ITGA4: variants seen among roughly 807,000 people sequenced by gnomAD.
ITGA4 encodes the protein integrin subunit alpha 4, also known as integrin alpha-4.
Under a neutral mutation model 133.6 loss-of-function variants are expected in ITGA4, and 63 were observed. The ratio of observed to expected loss-of-function variants is 0.47; its 90% CI spans 0.38 to 0.58. The LOEUF (loss-of-function observed/expected upper bound fraction) is 0.58. Ranked by LOEUF, ITGA4 falls within the 20% of genes least tolerant of loss-of-function variation. The pLI is 0.00. For missense variants in ITGA4, 1,076 were observed against 1,252.7 expected (o/e 0.86, Z 2.13); for synonymous variants, 483 against 438.0 (o/e 1.10, Z -1.28).
intron 10 of ITGA4, among the ~76,000 whole-genome samples, chr2:181,490,295 CCTT>C (rs1036156964): frequency 4.6e-5 from 7 of 152,114 alleles, no homozygotes; most frequent in Non-Finnish European, 7.4e-5. Flanking sequence ...GTGGTCTCCT[CCTT>C]TAATTCTACT....
chr2:181,477,620 A>T (rs1459049190), intron 4 of ITGA4, among the ~76,000 whole-genome samples: 1 of 152,150 alleles, frequency 6.6e-6, no homozygotes, highest in African/African-American at 2.4e-5. Context: ...TCATCAAGGA[A>T]ATGCAAATTA....
intron 25 of ITGA4, 69 bp downstream of exon 25, chr2:181,531,845 A>G (rs1199734386): frequency 4.3e-6 from 5 of 1,163,462 alleles, no homozygotes; most frequent in East Asian, 2.6e-5. Flanking sequence ...TCAGTCATAT[A>G]GGCAGGATAG....
At chr2:181,490,662 G>A (rs889884604) in intron 10 of ITGA4, among the ~76,000 whole-genome samples, 3 of 152,026 alleles carry the variant, frequency 2.0e-5, no homozygotes, top group African/African-American at 7.2e-5. Flanking sequence ...AGGCTGCAGG[G>A]TTTAAATCCC....
rs528857069 is a variant in ITGA4, at chr2:181,482,344, C to A, written c.841-16C>A. On this transcript the variant is annotated splice_polypyrimidine_tract_variant and intron_variant, in intron 7 of 27. Transcript: ENST00000397033. ...GTTATTCCTAAAAACTTTTCTAATTCTTTCCCTAATTACAGGCATATATAT... is the reference window on the plus strand; with the variant it reads ...GTTATTCCTAAAAACTTTTCTAATTATTTCCCTAATTACAGGCATATATAT... 3.8e-6 allele frequency: 6 copies of A among 1,587,100 alleles called. No individual in the cohort carries two copies. The highest frequency in any genetic ancestry group is 2.7e-5 in the African/African-American group (2 of 73,346).
intron 16 of ITGA4, among the ~76,000 whole-genome samples, chr2:181,510,903 A>G (rs1454680888): frequency 1.1e-4 from 16 of 145,852 alleles, no homozygotes; most frequent in Admixed American, 1.0e-3. Flanking sequence ...CTGCTTTACC[A>G]ATAGAAATGG....
At chr2:181,489,704 A>G (rs1254614154) in intron 10 of ITGA4, among the ~76,000 whole-genome samples, 1 of 152,040 alleles carries the variant, frequency 6.6e-6, no homozygotes, top group East Asian at 1.9e-4. Flanking sequence ...TGTTACATGC[A>G]TCGATTACAT....
chr2:181,528,749 G>A (rs890705184), intron 22 of ITGA4, among the ~76,000 whole-genome samples: 1 of 152,166 alleles, frequency 6.6e-6, no homozygotes, highest in Non-Finnish European at 1.5e-5. Context: ...AGGTCTGCAA[G>A]TCATCTTTTT....
intron 17 of ITGA4, among the ~76,000 whole-genome samples, chr2:181,512,553 T>TG (rs1343476328): frequency 6.6e-6 from 1 of 152,026 alleles, no homozygotes; most frequent in East Asian, 1.9e-4. Context: ...TTAAAAAGAA[T>TG]GGGGAGTCCC....
At chr2:181,468,238 T>C (rs535834811) in intron 2 of ITGA4, among the ~76,000 whole-genome samples, 37 of 152,272 alleles carry the variant, frequency 2.4e-4, no homozygotes, top group African/African-American at 8.9e-4. Flanking sequence ...TCAGAGACTG[T>C]TTCCTTTCAG....
At chr2:181,524,574 C>G (rs1686795005) in intron 20 of ITGA4, among the ~76,000 whole-genome samples, 1 of 152,074 alleles carries the variant, frequency 6.6e-6, no homozygotes, top group African/African-American at 2.4e-5. Context: ...TAATGACTTC[C>G]ATAGATATGT....
At chr2:181,483,845 A>G (rs1685857755) in intron 9 of ITGA4, among the ~76,000 whole-genome samples, 1 of 152,236 alleles carries the variant, frequency 6.6e-6, no homozygotes, top group South Asian at 2.1e-4. Flanking sequence ...ATCCACATGT[A>G]TACCTAAAGT....
In ITGA4 at chr2:181,478,959, C is replaced by T. The variant is rs1038080203; in HGVS notation, c.624+135C>T. ...TCATGTCTCTTAAACTTGAGTATTA[C>T]AACTTAATTTTTGCCACTCAAAATT... On this transcript the variant is annotated intron_variant, in intron 5 of 27. Coordinates refer to ENST00000397033, the MANE Select transcript of ITGA4 (RefSeq NM_000885.6). The T allele has an allele frequency of 3.4e-5, 15 of 440,324 alleles. No homozygotes were observed. In the East Asian group the frequency reaches 5.0e-4, roughly 15 times the overall value. 27.3% of individuals were successfully genotyped at this position (440,324 alleles called of 1,614,324 possible). A position where few individuals can be genotyped will look rare whatever the true frequency, so the allele number is the denominator to read the frequency against.
chr2:181,515,679 G>C (rs1686590194), intron 17 of ITGA4, among the ~76,000 whole-genome samples: 1 of 152,060 alleles, frequency 6.6e-6, no homozygotes, highest in South Asian at 2.1e-4. Flanking sequence ...TTTCAAATGA[G>C]AGCCCTTCTA....
At chr2:181,528,041 T>C (rs1686870230) in intron 22 of ITGA4, among the ~76,000 whole-genome samples, 1 of 152,172 alleles carries the variant, frequency 6.6e-6, no homozygotes, top group Non-Finnish European at 1.5e-5. Flanking sequence ...CAAAAAAAAA[T>C]TCTTTGAACC....
chr2:181,473,408 G>A (rs1380319910), intron 2 of ITGA4, among the ~76,000 whole-genome samples: 1 of 152,150 alleles, frequency 6.6e-6, no homozygotes, highest in Non-Finnish European at 1.5e-5. Context: ...ACTGCCCATG[G>A]AAAAAATTGT....
chr2:181,506,382 C>A (rs1686392227), intron 15 of ITGA4, among the ~76,000 whole-genome samples: 1 of 152,030 alleles, frequency 6.6e-6, no homozygotes, highest in African/African-American at 2.4e-5. Context: ...ATAAGTATAA[C>A]CACCATAATT....
At position 181,495,133 on chromosome 2, in the gene ITGA4, T is replaced by C. The variant is rs1001177111; in HGVS notation, c.1340-238T>C. ...TTCTAGTCCAAAAATTGAATTTTGTTTTAGTAAACTTGTTTTTGTCATAAA... is the reference window on the plus strand; with the variant it reads ...TTCTAGTCCAAAAATTGAATTTTGTCTTAGTAAACTTGTTTTTGTCATAAA... On this transcript the variant is annotated intron_variant, in intron 12 of 27. Transcript: ENST00000397033. This position sits in a 1 kb window ranked among gnomAD's most constrained non-coding sequence, Gnocchi z 4.3. Among the ~76,000 whole-genome samples, 2 of 152,208 alleles carry C rather than the reference T, an allele frequency of 1.3e-5. No homozygotes were observed. Among genetic ancestry groups the C allele is most frequent in the African/African-American group, 4.8e-5 (2 of 41,446 alleles).
chr2:181,492,916 T>C (rs1007810360), intron 10 of ITGA4: 2 of 155,918 alleles, frequency 1.3e-5, no homozygotes, highest in Non-Finnish European at 2.8e-5. Flanking sequence ...CTAAGCACTT[T>C]ACATAGGTCA....
At chr2:181,507,501 GAC>G (rs1315834304) in intron 15 of ITGA4, among the ~76,000 whole-genome samples, 1 of 152,038 alleles carries the variant, frequency 6.6e-6, no homozygotes, top group Non-Finnish European at 1.5e-5. Flanking sequence ...CTTTCTAAGA[GAC>G]ACTGTGTTTT....
Sources: allele counts gnomAD v4.1 joint callset (sites outside exome capture counted in the v4.1 genomes callset), GRCh38; gene constraint gnomAD v4.1.1; non-coding constraint Gnocchi (gnomAD v3.1); transcripts MANE v1.5; gene names NCBI Gene and HGNC (gene_info 2026-07-23, HGNC 2026-07-21).